Variants in CRYBB3 observed in about 807,000 individuals in gnomAD.
CRYBB3 encodes the protein beta-crystallin B3.
A neutral mutation model predicts 28.3 loss-of-function variants in CRYBB3; 35 were observed. The observed-to-expected ratio is 1.24, with a 90% CI of 0.95 to 1.64. CRYBB3 has a LOEUF of 1.64. CRYBB3 is among the 40% of genes most tolerant of loss of function. The pLI is 0.00. For missense variants in CRYBB3, 296 were observed against 297.4 expected (o/e 1.00, Z 0.04); for synonymous variants, 106 against 110.4 (o/e 0.96, Z 0.25).
Position 25,201,421 on chromosome 22 carries a change from G to A in CRYBB3, c.25G>A (p.Glu9Lys), listed in dbSNP as rs367616021. MAEQHGAP[E>K]QAAAGKSHGD... ...GATGGCGGAACAGCACGGAGCACCC[G>A]AACAGGCTGCAGCTGGCAAGAGCCA... is the stretch of plus-strand genomic sequence containing the variant. Residue 9 changes from glutamate (E) to lysine (K), a missense_variant, in exon 2 of 6, where the codon GAA becomes AAA. Coordinates refer to ENST00000215855, the MANE Select transcript of CRYBB3 (RefSeq NM_004076.5). 2.7e-5 allele frequency: 44 copies of A among 1,613,252 alleles called. No homozygotes were observed. Among genetic ancestry groups the A allele is most frequent in the African/African-American group, 2.1e-4 (16 of 74,850 alleles).
At chr22:25,202,090 A>G (rs1569007655) in intron 2 of CRYBB3, among the ~76,000 whole-genome samples, 1 of 152,180 alleles carries the variant, frequency 6.6e-6, no homozygotes, top group South Asian at 2.1e-4. Flanking sequence ...CGAGGCAAGT[A>G]TCTTACCCTT....
intron 3 of CRYBB3, 91 bp downstream of exon 3, chr22:25,202,883 C>T: frequency 6.4e-7 from 1 of 1,566,852 alleles, no homozygotes; most frequent in Non-Finnish European, 8.6e-7. Context: ...TGTTGTGGGG[C>T]TTTTGACAGC....
intron 5 of CRYBB3, among the ~76,000 whole-genome samples, chr22:25,206,051 A>G (rs1935028306): frequency 1.3e-5 from 2 of 152,164 alleles, no homozygotes; most frequent in South Asian, 4.1e-4. Context: ...TTCTAGGCTT[A>G]ATATCACCGT....
At chr22:25,205,416 G>A in intron 5 of CRYBB3, 54 bp downstream of exon 5, 1 of 1,605,822 alleles carries the variant, frequency 6.2e-7, no homozygotes, top group Middle Eastern at 1.7e-4. Context: ...CATGCCTCTG[G>A]CTCCAAACAG....
At chr22:25,206,192 C>G (rs937200447) in intron 5 of CRYBB3, among the ~76,000 whole-genome samples, 1 of 152,126 alleles carries the variant, frequency 6.6e-6, no homozygotes, top group Non-Finnish European at 1.5e-5. Flanking sequence ...TTTTACTGAA[C>G]ATCTACTATA....
Position 25,202,739 on chromosome 22 carries a change from C to A in CRYBB3, c.141C>A (p.Ser47Arg), listed in dbSNP as rs1383581734. Residue 47 changes from serine (S) to arginine (R), a missense_variant, in exon 3 of 6, where the codon AGC becomes AGA. Coordinates refer to ENST00000215855, the MANE Select transcript of CRYBB3 (RefSeq NM_004076.5). Reference protein sequence around the residue: ...KRCELSAECPSLTDSLLEKVG... With the variant: ...KRCELSAECPRLTDSLLEKVG... ...GCGAGCTCTCGGCCGAGTGCCCCAG[C>A]CTGACCGACAGCCTGCTGGAGAAGG... 2 of 1,613,942 alleles carry A rather than the reference C, an allele frequency of 1.2e-6. No individual in the cohort carries two copies. The highest frequency in any genetic ancestry group is 2.7e-5 in the African/African-American group (2 of 74,922).
At chr22:25,206,339 T>A (rs1935033572) in intron 5 of CRYBB3, among the ~76,000 whole-genome samples, 1 of 151,152 alleles carries the variant, frequency 6.6e-6, no homozygotes, top group Non-Finnish European at 1.5e-5. Context: ...AGGTCAGGAG[T>A]TCATGACCAG....
chr22:25,204,442 C>T (rs1934997415), intron 4 of CRYBB3, among the ~76,000 whole-genome samples: 1 of 151,880 alleles, frequency 6.6e-6, no homozygotes, highest in South Asian at 2.1e-4. Context: ...TTTTGAGTTG[C>T]AGTCTCGCTC....
chr22:25,203,665 G>T, intron 3 of CRYBB3, 98 bp from the exon 4 acceptor site: 1 of 1,386,694 alleles, frequency 7.2e-7, no homozygotes, highest in Non-Finnish European at 1.0e-6. Context: ...GAGGGTACAA[G>T]GTTCAAGGTC....
At chr22:25,206,715 G>C (rs912333177) in intron 5 of CRYBB3, among the ~76,000 whole-genome samples, 41 of 152,114 alleles carry the variant, frequency 2.7e-4, no homozygotes. Context: ...TGTAATGGAT[G>C]CAAGTGGAAA....
intron 2 of CRYBB3, 50 bp downstream of exon 2, chr22:25,201,521 G>A: frequency 6.2e-7 from 1 of 1,602,500 alleles, no homozygotes; most frequent in Non-Finnish European, 8.5e-7. Context: ...CTGGGCCTCA[G>A]GGTCATCTTC....
chr22:25,201,605 G>A (rs1451492923), intron 2 of CRYBB3, 134 bp downstream of exon 2: 1 of 1,433,028 alleles, frequency 7.0e-7, no homozygotes, highest in Non-Finnish European at 9.2e-7. Flanking sequence ...AACGCTCCGG[G>A]TGGGTCCTCT....
intron 1 of CRYBB3, among the ~76,000 whole-genome samples, chr22:25,200,448 GGAGA>G (rs139965114): frequency 9.3e-5 from 14 of 150,760 alleles, no homozygotes; most frequent in Non-Finnish European, 1.6e-4. Context: ...GTGTGTGTGA[GGAGA>G]GAGAGAGAGA....
In CRYBB3 at chr22:25,201,598, G is replaced by A. The variant is rs1934950096; in HGVS notation, c.75+127G>A. The A allele has an allele frequency of 2.8e-6, 4 of 1,444,910 alleles. No homozygotes were observed. The South Asian group carries it at 4.2e-5, about 15-fold the overall frequency. 89.5% of individuals were successfully genotyped at this position (1,444,910 alleles called of 1,614,324 possible). A position where few individuals can be genotyped will look rare whatever the true frequency, so the allele number is the denominator to read the frequency against. On this transcript the variant is annotated intron_variant, in intron 2 of 5. Transcript: ENST00000215855. ...CCAACCACCCAGGCCAGGACAAAAC[G>A]CTCCGGGTGGGTCCTCTCACTGCCA...
chr22:25,205,751 G>A (rs1398586012), intron 5 of CRYBB3, among the ~76,000 whole-genome samples: 3 of 152,074 alleles, frequency 2.0e-5, no homozygotes, highest in Non-Finnish European at 4.4e-5. Flanking sequence ...GAGCCACGGC[G>A]CCCGGCCATC....
intron 1 of CRYBB3, among the ~76,000 whole-genome samples, chr22:25,200,259 A>T (rs1007514693): frequency 2.0e-5 from 3 of 151,700 alleles, no homozygotes; most frequent in Non-Finnish European, 2.9e-5. Flanking sequence ...GCTAGGAGAG[A>T]CAGAACCGAC....
At chr22:25,200,081 C>CAGTCCCAGT (rs1934916066) in intron 1 of CRYBB3, among the ~76,000 whole-genome samples, 172 bp downstream of exon 1, 1 of 152,024 alleles carries the variant, frequency 6.6e-6, no homozygotes, top group African/African-American at 2.4e-5. Flanking sequence ...GGGGGTGGAA[C>CAGTCCCAGT]GAGGGACCCT....
At chr22:25,202,866 C>T in intron 3 of CRYBB3, 74 bp downstream of exon 3, 1 of 1,592,408 alleles carries the variant, frequency 6.3e-7, no homozygotes, top group South Asian at 1.1e-5. Context: ...AGTCTGAGCT[C>T]TAGATCTGTT....
chr22:25,205,108 G>C, intron 4 of CRYBB3, 112 bp from the exon 5 acceptor site: 4 of 1,419,274 alleles, frequency 2.8e-6, no homozygotes, highest in Non-Finnish European at 2.9e-6. Flanking sequence ...CAGCAGGTTT[G>C]GGGGTGGGTG....
Sources: gnomAD v4.1 joint callset for allele counts (sites outside exome capture counted in the v4.1 genomes callset) on GRCh38, gnomAD v4.1.1 for gene constraint, MANE v1.5 for transcripts, NCBI Gene and HGNC (gene_info 2026-07-23, HGNC 2026-07-21) for gene names.